Variants in SPOCK3 observed in about 807,000 individuals in gnomAD.
The protein encoded by SPOCK3 is testican-3.
A neutral mutation model predicts 56.6 loss-of-function variants in SPOCK3; 30 were observed. The observed-to-expected ratio is 0.53, with a 90% CI of 0.40 to 0.72. The LOEUF (loss-of-function observed/expected upper bound fraction) is 0.72, where lower values mean the gene tolerates loss of function less well. Ranked by LOEUF, SPOCK3 falls within the 30% of genes least tolerant of loss-of-function variation. The probability of loss-of-function intolerance (pLI) is 0.00; values close to 1 mark genes in which losing one functional copy is unlikely to be tolerated. For synonymous variants in SPOCK3, 196 were observed against 183.3 expected (o/e 1.07, Z -0.56); for missense variants, 527 against 530.0 (o/e 0.99, Z 0.06).
chr4:166,998,281 A>G (rs1213656510), intron 4 of SPOCK3, among the ~76,000 whole-genome samples: 3 of 152,144 alleles, frequency 2.0e-5, no homozygotes, highest in African/African-American at 4.8e-5. Flanking sequence ...CTAAAAGCAT[A>G]TTAGTCTCCC....
intron 4 of SPOCK3, among the ~76,000 whole-genome samples, chr4:166,938,836 CA>C (rs1301564351): frequency 6.6e-6 from 1 of 151,680 alleles, no homozygotes; most frequent in African/African-American, 2.4e-5. Context: ...AAAAGAGTTC[CA>C]AAAAAGAGGT....
Position 167,153,872 on chromosome 4 carries a change from G to A in SPOCK3, c.189+80113C>T, listed in dbSNP as rs1161962668. On this transcript the variant is annotated intron_variant, in intron 2 of 10. Coordinates refer to ENST00000357545, the MANE Select transcript of SPOCK3 (RefSeq NM_001040159.2). ...TAACTGACTTCAAATTAGTTTAAGC[G>A]GGGAAAAATGACAAGACATAGGTAG... is the stretch of plus-strand genomic sequence containing the variant. Among the ~76,000 whole-genome samples, 11 of 148,292 alleles carry A rather than the reference G, an allele frequency of 7.4e-5. No homozygotes were observed. In the East Asian group the frequency reaches 8.1e-4, roughly 11 times the overall value.
chr4:167,121,759 C>T (rs62352454), intron 2 of SPOCK3, among the ~76,000 whole-genome samples: 25,162 of 152,080 alleles, frequency 0.17, 2,569 homozygotes, highest in Admixed American at 0.26. Context: ...CCTGCTGTTC[C>T]AAACATTTTT....
chr4:167,146,528 G>T (rs970328528), intron 2 of SPOCK3, among the ~76,000 whole-genome samples: 1 of 151,848 alleles, frequency 6.6e-6, no homozygotes, highest in Non-Finnish European at 1.5e-5. Flanking sequence ...GCACCACATC[G>T]CACTTATTCT....
intron 5 of SPOCK3, among the ~76,000 whole-genome samples, chr4:166,892,875 C>A (rs189735081): frequency 6.6e-6 from 1 of 152,056 alleles, no homozygotes; most frequent in South Asian, 2.1e-4. Context: ...GAAAAAAATG[C>A]GGCATATGAA....
intron 2 of SPOCK3, among the ~76,000 whole-genome samples, chr4:167,088,571 TCTC>T (rs1217280676): frequency 3.6e-4 from 55 of 151,454 alleles, no homozygotes; most frequent in African/African-American, 1.3e-3. Flanking sequence ...TTAGAGCAAT[TCTC>T]CTGCCTCAGC....
At chr4:167,187,953 C>T (rs2110821779) in intron 2 of SPOCK3, among the ~76,000 whole-genome samples, 2 of 152,230 alleles carry the variant, frequency 1.3e-5, no homozygotes, top group Middle Eastern at 6.8e-3. Flanking sequence ...CCACTCTACC[C>T]TGAACTGAGT....
intron 2 of SPOCK3, among the ~76,000 whole-genome samples, chr4:167,101,448 T>C (rs1410618905): frequency 6.6e-6 from 1 of 152,114 alleles, no homozygotes; most frequent in Non-Finnish European, 1.5e-5. Flanking sequence ...CTTTCAGTCC[T>C]GGCCTCTCAG....
At chr4:167,124,267 TGC>T (rs1762103033) in intron 2 of SPOCK3, among the ~76,000 whole-genome samples, 1 of 152,190 alleles carries the variant, frequency 6.6e-6, no homozygotes, top group South Asian at 2.1e-4. Flanking sequence ...ATAGTCTAGA[TGC>T]TGAGACTTCT....
intron 4 of SPOCK3, among the ~76,000 whole-genome samples, chr4:166,941,270 G>GA (rs1294647201): frequency 6.6e-6 from 1 of 151,978 alleles, no homozygotes; most frequent in Non-Finnish European, 1.5e-5. Flanking sequence ...AAGAGAAACA[G>GA]AAAAAAATGG....
chr4:166,964,718 C>T (rs571503929), intron 4 of SPOCK3, among the ~76,000 whole-genome samples: 11 of 151,714 alleles, frequency 7.3e-5, no homozygotes, highest in African/African-American at 2.7e-4. Flanking sequence ...TAAAAGAGAA[C>T]AGGACAGGTT....
chr4:167,094,586 A>G (rs542956946), intron 2 of SPOCK3, among the ~76,000 whole-genome samples: 98 of 152,242 alleles, frequency 6.4e-4, no homozygotes, highest in Non-Finnish European at 9.7e-4. Flanking sequence ...CATAATGTGA[A>G]TTTGCTCATT....
chr4:167,202,758 TA>T (rs531063599), intron 2 of SPOCK3, among the ~76,000 whole-genome samples: 12,992 of 144,882 alleles, frequency 0.09, 684 homozygotes, highest in African/African-American at 0.15. Context: ...GTGTATTCAA[TA>T]AAAAAAAAAA....
At chr4:167,102,320 A>G (rs1283071669) in intron 2 of SPOCK3, 1 of 152,196 alleles carries the variant, frequency 6.6e-6, no homozygotes, top group East Asian at 1.9e-4. Flanking sequence ...GCAGACCAAC[A>G]TGGCTAAATA....
intron 4 of SPOCK3, among the ~76,000 whole-genome samples, chr4:166,983,000 G>A (rs902540752): frequency 6.6e-5 from 10 of 151,780 alleles, no homozygotes; most frequent in African/African-American, 1.9e-4. Context: ...TGTTAGTAAG[G>A]AAGAATTGTA....
chr4:167,096,627 A>G (rs1348099293), intron 2 of SPOCK3, among the ~76,000 whole-genome samples: 4 of 151,770 alleles, frequency 2.6e-5, no homozygotes, highest in Admixed American at 6.6e-5. Context: ...CATATTTTCA[A>G]TTATTTTTAT....
intron 4 of SPOCK3, among the ~76,000 whole-genome samples, chr4:166,944,144 C>CA (rs1741435485): frequency 6.6e-6 from 1 of 151,136 alleles, no homozygotes; most frequent in Admixed American, 6.6e-5. Context: ...AAGACTGTCT[C>CA]AAAAAAAATT....
intron 6 of SPOCK3, among the ~76,000 whole-genome samples, chr4:166,848,959 C>T (rs1748390038): frequency 6.6e-6 from 1 of 152,170 alleles, no homozygotes; most frequent in Admixed American, 6.5e-5. Flanking sequence ...ACACCATGGG[C>T]ATCATTAGAC....
intron 8 of SPOCK3, among the ~76,000 whole-genome samples, chr4:166,746,910 T>C (rs1201654112): frequency 6.6e-6 from 1 of 152,034 alleles, no homozygotes; most frequent in African/African-American, 2.4e-5. Flanking sequence ...CCTGGACACA[T>C]ACACCCTCCC....
Sources: gnomAD v4.1 joint callset for allele counts (sites outside exome capture counted in the v4.1 genomes callset) on GRCh38, gnomAD v4.1.1 for gene constraint, MANE v1.5 for transcripts, NCBI Gene and HGNC (gene_info 2026-07-23, HGNC 2026-07-21) for gene names.